Variants in UTRN observed in about 807,000 individuals in gnomAD.
UTRN encodes utrophin, also known as dystrophin-related protein 1.
Under a neutral mutation model 463.9 loss-of-function variants are expected in UTRN, and 283 were observed. The observed-to-expected ratio is 0.61, with a 90% confidence interval of 0.55 to 0.67. The LOEUF is 0.67. Ranked by LOEUF, UTRN falls within the 30% of genes least tolerant of loss-of-function variation. UTRN has a pLI of 0.00. For synonymous variants in UTRN, 1,442 were observed against 1,431.5 expected (o/e 1.01, Z -0.17); for missense variants, 3,922 against 4,084.3 (o/e 0.96, Z 1.08).
intron 48 of UTRN, among the ~76,000 whole-genome samples, 180 bp downstream of exon 48, chr6:144,551,262 T>C (rs1798891206): frequency 6.6e-6 from 1 of 152,224 alleles, no homozygotes; most frequent in Non-Finnish European, 1.5e-5. Context: ...CCCTTGTTTT[T>C]ATGTTTTGTG....
intron 8 of UTRN, 85 bp from the exon 9 acceptor site, chr6:144,429,496 G>A (rs904227462): frequency 1.6e-6 from 2 of 1,267,248 alleles, no homozygotes; most frequent in Admixed American, 4.6e-5. Context: ...GGGTACTAAG[G>A]AGAGTTATTT....
chr6:144,597,371 G>A (rs1158130992), intron 51 of UTRN, among the ~76,000 whole-genome samples: 1 of 152,058 alleles, frequency 6.6e-6, no homozygotes, highest in African/African-American at 2.4e-5. Context: ...CAAAAGCTAG[G>A]CATGCCTACT....
intron 61 of UTRN, among the ~76,000 whole-genome samples, chr6:144,783,051 C>T (rs1775985284): frequency 6.6e-6 from 1 of 151,986 alleles, no homozygotes; most frequent in Admixed American, 6.6e-5. Flanking sequence ...CAAAAATTAG[C>T]CAGGCATCGT....
intron 69 of UTRN, 127 bp from the exon 70 acceptor site, chr6:144,835,653 G>A: frequency 1.6e-6 from 2 of 1,219,660 alleles, no homozygotes; most frequent in Non-Finnish European, 2.3e-6. Flanking sequence ...AGGTCATGGA[G>A]ACACTGAGCT....
intron 52 of UTRN, among the ~76,000 whole-genome samples, chr6:144,690,095 T>TTTTTTTTG (rs59704043): frequency 3.0e-5 from 1 of 33,452 alleles, no homozygotes; most frequent in African/African-American, 1.4e-4. Context: ...TTTTTTTTTT[T>TTTTTTTTG]TGTGTGTGTG....
At chr6:144,818,760 T>G (rs1385883156) in intron 65 of UTRN, among the ~76,000 whole-genome samples, 2 of 152,242 alleles carry the variant, frequency 1.3e-5, no homozygotes, top group Non-Finnish European at 2.9e-5. Context: ...CTAAATTATC[T>G]GCAGTTGTGA....
chr6:144,533,973 G>A (rs1176582223), intron 43 of UTRN, among the ~76,000 whole-genome samples: 2 of 151,560 alleles, frequency 1.3e-5, no homozygotes, highest in African/African-American at 2.4e-5. Context: ...GTTTCTTGTT[G>A]GTAGTTTAGG....
intron 2 of UTRN, among the ~76,000 whole-genome samples, chr6:144,356,214 G>A (rs541660789): frequency 1.3e-5 from 2 of 152,246 alleles, no homozygotes; most frequent in South Asian, 4.1e-4. Context: ...ATTATTTATG[G>A]TATATTCAGG....
Position 144,513,958 on chromosome 6 carries a change from G to A in UTRN, c.4994G>A (p.Ser1665Asn), listed in dbSNP as rs114501476. 4 of 1,613,884 alleles carry A rather than the reference G, an allele frequency of 2.5e-6. No homozygotes were observed. Among genetic ancestry groups the A allele is most frequent in the African/African-American group, 2.7e-5 (2 of 74,916 alleles). Reference sequence around the variant, plus strand: ...TTTGATGGGAACGTGGCTCACATAAGTACCTGGCTTTATCAAGCTGAAGCT... The same window carrying A: ...TTTGATGGGAACGTGGCTCACATAAATACCTGGCTTTATCAAGCTGAAGCT... ...EIFDGNVAHISTWLYQAEALL... is the reference protein window; with the variant it reads ...EIFDGNVAHINTWLYQAEALL... Residue 1665 changes from serine to asparagine, a missense_variant, in exon 36 of 75, where the codon AGT becomes AAT. Coordinates refer to ENST00000367545, the MANE Select transcript of UTRN (RefSeq NM_007124.3).
chr6:144,475,331 AG>A, intron 25 of UTRN, among the ~76,000 whole-genome samples: 1 of 152,240 alleles, frequency 6.6e-6, no homozygotes, highest in Non-Finnish European at 1.5e-5. Flanking sequence ...AAGAACATTC[AG>A]GCGTGGAGAA....
At chr6:144,524,272 T>C (rs1176530558) in intron 41 of UTRN, among the ~76,000 whole-genome samples, 2 of 152,206 alleles carry the variant, frequency 1.3e-5, no homozygotes, top group Non-Finnish European at 2.9e-5. Context: ...TCCATACTTA[T>C]ATTTCATTAG....
At chr6:144,574,623 C>T (rs916858343) in intron 50 of UTRN, among the ~76,000 whole-genome samples, 4 of 152,092 alleles carry the variant, frequency 2.6e-5, no homozygotes, top group Admixed American at 2.6e-4. Flanking sequence ...CTCTGTCACC[C>T]AGACTGGGGT....
At chr6:144,587,990 G>T (rs78467374) in intron 51 of UTRN, among the ~76,000 whole-genome samples, 1 of 152,228 alleles carries the variant, frequency 6.6e-6, no homozygotes, top group East Asian at 1.9e-4. Flanking sequence ...GAAAAATGGC[G>T]TATGTAGATG....
chr6:144,732,324 C>T (rs1421439920), intron 54 of UTRN, among the ~76,000 whole-genome samples: 1 of 146,284 alleles, frequency 6.8e-6, no homozygotes, highest in East Asian at 2.0e-4. Flanking sequence ...AAAATGTATA[C>T]ACACACACGT....
At chr6:144,471,286 T>G (rs1231334754) in intron 23 of UTRN, among the ~76,000 whole-genome samples, 2 of 152,168 alleles carry the variant, frequency 1.3e-5, no homozygotes, top group Admixed American at 1.3e-4. Context: ...CTGGAGTAGT[T>G]AAGGCCACTT....
intron 2 of UTRN, among the ~76,000 whole-genome samples, chr6:144,349,401 A>C (rs1302840831): frequency 5.3e-5 from 8 of 152,220 alleles, no homozygotes. Context: ...ACCTCTGAGA[A>C]GGGGACTCCC....
At chr6:144,847,387 GTTTTGTTTTGTTT>G (rs1344917202) in intron 74 of UTRN, among the ~76,000 whole-genome samples, 7 of 138,964 alleles carry the variant, frequency 5.0e-5, no homozygotes, top group East Asian at 2.2e-4. Context: ...TTTGTAGCCT[GTTTTGTTTTGTTT>G]TTTTGTTTTG....
At chr6:144,699,685 A>G (rs996312757) in intron 52 of UTRN, among the ~76,000 whole-genome samples, 2 of 150,534 alleles carry the variant, frequency 1.3e-5, no homozygotes, top group African/African-American at 2.4e-5. Context: ...AACTTGGTTT[A>G]TAATTGTACA....
chr6:144,492,409 T>C (rs1333458701), intron 32 of UTRN, among the ~76,000 whole-genome samples: 1 of 152,220 alleles, frequency 6.6e-6, no homozygotes, highest in Non-Finnish European at 1.5e-5. Flanking sequence ...GTTTTCTTTA[T>C]CCATTCCCCC....
Sources: gnomAD v4.1 joint callset for allele counts (sites outside exome capture counted in the v4.1 genomes callset) on GRCh38, gnomAD v4.1.1 for gene constraint, MANE v1.5 for transcripts, NCBI Gene and HGNC (gene_info 2026-07-23, HGNC 2026-07-21) for gene names.